The following PGBD5 variants were observed in gnomAD, a reference collection of about 807,000 sequenced individuals.
PGBD5 encodes piggyBac transposable element derived 5, also known as piggyBac transposable element-derived protein 5.
PGBD5 carries 14 observed loss-of-function variants against 47.9 expected under a neutral mutation model. The observed-to-expected ratio is 0.29, with a 90% CI of 0.19 to 0.46. The LOEUF (loss-of-function observed/expected upper bound fraction) is 0.46, where lower values mean the gene tolerates loss of function less well. Ranked by LOEUF, PGBD5 falls within the 20% of genes least tolerant of loss-of-function variation. The pLI is 1.00. For missense variants in PGBD5, 635 were observed against 716.0 expected (o/e 0.89, Z 1.29); for synonymous variants, 316 against 306.3 (o/e 1.03, Z -0.33).
chr1:230,412,193 A>T (rs576262927), intron 1 of PGBD5, among the ~76,000 whole-genome samples: 2 of 152,222 alleles, frequency 1.3e-5, no homozygotes, highest in Non-Finnish European at 1.5e-5. Flanking sequence ...ATGCTTATCA[A>T]CGAAATTACA....
At chr1:230,366,115 TAATCCATGGCA>T (rs1470246885) in intron 1 of PGBD5, among the ~76,000 whole-genome samples, 1 of 150,334 alleles carries the variant, frequency 6.7e-6, no homozygotes, top group East Asian at 1.9e-4. Context: ...GGGACAGGGC[TAATCCATGGCA>T]ATTTGTGAGT....
chr1:230,332,564 C>CA (rs944872034), intron 5 of PGBD5, among the ~76,000 whole-genome samples: 3 of 152,222 alleles, frequency 2.0e-5, no homozygotes, highest in Non-Finnish European at 4.4e-5. Flanking sequence ...CAGCCATTAT[C>CA]ATACCCCGTG....
intron 5 of PGBD5, among the ~76,000 whole-genome samples, chr1:230,328,717 C>CT (rs1667162878): frequency 6.6e-6 from 1 of 152,216 alleles, no homozygotes. Flanking sequence ...AGTGGCTTGA[C>CT]TGACATTCCT....
chr1:230,395,075 CCT>C (rs1474038214), intron 1 of PGBD5, among the ~76,000 whole-genome samples: 4 of 93,946 alleles, frequency 4.3e-5, no homozygotes, highest in East Asian at 3.5e-4. Context: ...TCCCTCCTCC[CCT>C]CACACTCCTC....
At chr1:230,368,117 C>T in intron 1 of PGBD5, 4 of 1,367,888 alleles carry the variant, frequency 2.9e-6, no homozygotes, top group Non-Finnish European at 3.9e-6. Context: ...AAGTTCTGAC[C>T]ACACAGATGG....
intron 1 of PGBD5, among the ~76,000 whole-genome samples, chr1:230,361,899 G>A (rs959818784): frequency 1.3e-5 from 2 of 152,196 alleles, no homozygotes; most frequent in Admixed American, 6.5e-5. Flanking sequence ...GTCTGAGATG[G>A]GCTTAAAAGG....
intron 1 of PGBD5, among the ~76,000 whole-genome samples, chr1:230,388,203 G>A (rs568893910): frequency 1.4e-4 from 22 of 152,290 alleles, no homozygotes; most frequent in African/African-American, 4.1e-4. Context: ...AGGGAGACTC[G>A]ACACAGGGTG....
chr1:230,365,257 G>A (rs1053513152), intron 1 of PGBD5, among the ~76,000 whole-genome samples: 1 of 148,400 alleles, frequency 6.7e-6, no homozygotes, highest in Admixed American at 6.8e-5. Context: ...AAGTTGCAGT[G>A]AGCTGAGATC....
chr1:230,344,698 A>G (rs941462209), intron 3 of PGBD5, among the ~76,000 whole-genome samples: 4 of 152,158 alleles, frequency 2.6e-5, no homozygotes, highest in African/African-American at 9.7e-5. Flanking sequence ...TGATGTGTGC[A>G]GGGGGTAGGA....
intron 1 of PGBD5, among the ~76,000 whole-genome samples, chr1:230,409,113 A>T (rs980455734): frequency 1.8e-4 from 27 of 152,230 alleles, no homozygotes; most frequent in African/African-American, 6.3e-4. Flanking sequence ...GAAGATGCTC[A>T]ACATCATGAG....
At chr1:230,347,757 T>C (rs1446767262) in intron 3 of PGBD5, among the ~76,000 whole-genome samples, 1 of 152,128 alleles carries the variant, frequency 6.6e-6, no homozygotes, top group Non-Finnish European at 1.5e-5. Flanking sequence ...CCACAGTAGA[T>C]AGTGGCTGGA....
intron 1 of PGBD5, among the ~76,000 whole-genome samples, chr1:230,365,173 C>T (rs944966496): frequency 5.8e-4 from 87 of 149,540 alleles, no homozygotes; most frequent in Middle Eastern, 7.1e-3. Context: ...ATTAGCCAGG[C>T]GTGGTGGCGG....
chr1:230,327,397 A>C (rs181949714), intron 5 of PGBD5, among the ~76,000 whole-genome samples: 1 of 152,192 alleles, frequency 6.6e-6, no homozygotes, highest in Admixed American at 6.5e-5. Flanking sequence ...AGGGTCGCGC[A>C]GATCTGCTTA....
At chr1:230,335,808 G>GGT (rs1558192831) in intron 4 of PGBD5, among the ~76,000 whole-genome samples, 2 of 6,662 alleles carry the variant, frequency 3.0e-4, no homozygotes, top group African/African-American at 6.9e-4. Flanking sequence ...AAGACACACA[G>GGT]ACACATACAC....
At chr1:230,355,228 G>A (rs546398846) in intron 2 of PGBD5, among the ~76,000 whole-genome samples, 31 of 152,304 alleles carry the variant, frequency 2.0e-4, no homozygotes, top group African/African-American at 6.5e-4. Flanking sequence ...ACCCAGCCAG[G>A]CTCAGCAATG....
chr1:230,333,195 C>G (rs901827967), intron 4 of PGBD5, among the ~76,000 whole-genome samples, 154 bp from the exon 5 acceptor site: 9 of 152,138 alleles, frequency 5.9e-5, no homozygotes, highest in East Asian at 3.9e-4. Flanking sequence ...CTAGAAGAGA[C>G]TGCTGAAGTT....
chr1:230,342,510 G>A (rs949512392), intron 3 of PGBD5, among the ~76,000 whole-genome samples: 7 of 152,184 alleles, frequency 4.6e-5, no homozygotes, highest in South Asian at 2.1e-4. Flanking sequence ...ATGAGATCAC[G>A]GGGTGTGTGC....
At chr1:230,324,152 C>T (rs942734522) in intron 6 of PGBD5, among the ~76,000 whole-genome samples, 13 of 152,356 alleles carry the variant, frequency 8.5e-5, no homozygotes, top group Non-Finnish European at 1.2e-4. Context: ...CACTGGCCTT[C>T]TTGGGAGCAC....
chr1:230,386,310 C>A (rs550659795), intron 1 of PGBD5, among the ~76,000 whole-genome samples: 2 of 132,660 alleles, frequency 1.5e-5, no homozygotes, highest in East Asian at 4.6e-4. Context: ...CAGAGCAAAA[C>A]CCTATCTTAA....
Sources: allele counts gnomAD v4.1 joint callset (sites outside exome capture counted in the v4.1 genomes callset), GRCh38; gene constraint gnomAD v4.1.1; transcripts MANE v1.5; gene names NCBI Gene and HGNC (gene_info 2026-07-23, HGNC 2026-07-21).